The following SLCO2A1 variants were observed in gnomAD, a reference collection of about 807,000 sequenced individuals.
The protein encoded by SLCO2A1 is matrin F/G 1.
In SLCO2A1, 60 loss-of-function variants were observed where a neutral mutation model predicts 71.7. The ratio of observed to expected loss-of-function variants is 0.84; its 90% CI spans 0.68 to 1.04. The LOEUF is 1.04. Among genes scored for constraint, SLCO2A1 ranks in the 50% least tolerant of loss-of-function variants. The probability of loss-of-function intolerance (pLI) is 0.00; values close to 1 mark genes in which losing one functional copy is unlikely to be tolerated. For missense variants in SLCO2A1, 745 were observed against 813.4 expected (o/e 0.92, Z 1.02); for synonymous variants, 308 against 326.7 (o/e 0.94, Z 0.62).
intron 1 of SLCO2A1, among the ~76,000 whole-genome samples, chr3:133,983,556 T>C (rs534325254): frequency 6.6e-5 from 10 of 152,228 alleles, no homozygotes; most frequent in African/African-American, 2.4e-4. Context: ...TTCAAACACA[T>C]CAAGGTCACA....
intron 1 of SLCO2A1, among the ~76,000 whole-genome samples, chr3:134,024,507 G>T (rs144503756): frequency 2.4e-4 from 37 of 152,292 alleles, no homozygotes; most frequent in African/African-American, 7.5e-4. Flanking sequence ...ACATGACCTG[G>T]CAAAACTCTT....
chr3:133,999,486 G>A (rs1935055283), intron 1 of SLCO2A1, among the ~76,000 whole-genome samples: 1 of 152,172 alleles, frequency 6.6e-6, no homozygotes, highest in Non-Finnish European at 1.5e-5. Context: ...GGCCGAGCAG[G>A]GCTGCCTCCC....
intron 1 of SLCO2A1, among the ~76,000 whole-genome samples, chr3:133,999,329 G>C (rs890073907): frequency 3.9e-5 from 6 of 152,240 alleles, no homozygotes; most frequent in Non-Finnish European, 5.9e-5. Context: ...TGGCCTGCCA[G>C]CTTGGAGAGA....
rs761942122 is a variant in SLCO2A1, at chr3:133,955,069, C to A, written c.522G>T (p.Val174=). The change falls in exon 4 of 14, where the codon GTG becomes GTT. Residue 174 remains valine (V), a synonymous_variant. Transcript: ENST00000310926. The stretch of plus-strand genomic sequence containing the variant: ...CGATGCCAGCCAGCAGCTGGGCAAC[C>A]ACCATCAGGCCCCACATGCTGCTGG... ...KETSSMWGLM[V]VAQLLAGIGT... The A allele has an allele frequency of 3.7e-6, 6 of 1,614,060 alleles. No individual in the cohort carries two copies. In the South Asian group the frequency reaches 4.4e-5, roughly 12 times the overall value.
chr3:133,986,614 G>A (rs891314623), intron 1 of SLCO2A1, among the ~76,000 whole-genome samples: 4 of 152,178 alleles, frequency 2.6e-5, no homozygotes, highest in African/African-American at 9.7e-5. Context: ...GAAGGAAGCG[G>A]GGAAACTGGA....
chr3:133,941,130 A>G (rs1043347196), intron 11 of SLCO2A1, among the ~76,000 whole-genome samples: 7 of 152,120 alleles, frequency 4.6e-5, no homozygotes, highest in Non-Finnish European at 8.8e-5. Context: ...TAGTAGTTTG[A>G]TTTGATAGCT....
At chr3:133,973,476 T>C (rs749533087) in intron 3 of SLCO2A1, among the ~76,000 whole-genome samples, 187 bp downstream of exon 3, 2 of 152,222 alleles carry the variant, frequency 1.3e-5, no homozygotes, top group Non-Finnish European at 2.9e-5. Flanking sequence ...AGGTGAGCCA[T>C]GCACTGCACA....
intron 10 of SLCO2A1, among the ~76,000 whole-genome samples, chr3:133,943,668 G>T (rs1435665735): frequency 6.6e-6 from 1 of 151,976 alleles, no homozygotes; most frequent in Admixed American, 6.6e-5. Context: ...TGCTGTTACG[G>T]GAAACTTGCC....
chr3:133,949,190 C>G (rs899511103), intron 6 of SLCO2A1: 2 of 579,756 alleles, frequency 3.4e-6, no homozygotes, highest in African/African-American at 3.7e-5. Context: ...CAGAACACAT[C>G]TATGCCAATG....
rs1239558309 is a variant in SLCO2A1 at position 133,951,302 on chromosome 3, G to A, written c.767C>T (p.Ala256Val). 1.9e-6 allele frequency: 3 copies of A among 1,614,040 alleles called. No individual in the cohort carries two copies. The highest frequency in any genetic ancestry group is 3.3e-5 in the Admixed American group (2 of 60,008). ...AGAAATGAGCAGGCCTAGCCACCAG[G>A]CTCCAATCCATCGGGGGTCACCCGG... ...LVPGDPRWIG[A>V]WWLGLLISSA... The change falls in exon 6 of 14, where the codon GCC becomes GTC. Residue 256 changes from alanine to valine, a missense_variant. Transcript: ENST00000310926.
At chr3:134,010,186 T>A (rs538886572) in intron 1 of SLCO2A1, among the ~76,000 whole-genome samples, 1 of 152,268 alleles carries the variant, frequency 6.6e-6, no homozygotes, top group South Asian at 2.1e-4. Flanking sequence ...CTCAGAAAAT[T>A]ATAATTGCTG....
At chr3:133,995,508 G>A (rs573475738) in intron 1 of SLCO2A1, among the ~76,000 whole-genome samples, 161 of 152,316 alleles carry the variant, frequency 1.1e-3, no homozygotes, top group Non-Finnish European at 1.9e-3. Context: ...TTTGTGGGTG[G>A]GGGCCATCCC....
intron 1 of SLCO2A1, among the ~76,000 whole-genome samples, chr3:134,006,858 C>T (rs1935227767): frequency 6.6e-6 from 1 of 152,184 alleles, no homozygotes; most frequent in African/African-American, 2.4e-5. Flanking sequence ...ACTGCTAGAT[C>T]ATATTATGAC....
chr3:133,967,204 G>T (rs1934201425), intron 3 of SLCO2A1, among the ~76,000 whole-genome samples: 1 of 152,226 alleles, frequency 6.6e-6, no homozygotes, highest in Admixed American at 6.5e-5. Flanking sequence ...GATCAGGCAT[G>T]CCTGAGGGTC....
chr3:133,949,227 A>C, intron 6 of SLCO2A1: 1 of 503,342 alleles, frequency 2.0e-6, no homozygotes, highest in Non-Finnish European at 3.6e-6. Context: ...TGGGCATATC[A>C]TTTCATATCT....
At chr3:133,935,285 G>T (rs1215893810) in intron 13 of SLCO2A1, among the ~76,000 whole-genome samples, 1 of 152,224 alleles carries the variant, frequency 6.6e-6, no homozygotes, top group Admixed American at 6.5e-5. Context: ...AACGGCAGCA[G>T]GTGAGGTGGC....
At chr3:133,967,137 C>T (rs1934200166) in intron 3 of SLCO2A1, among the ~76,000 whole-genome samples, 1 of 152,208 alleles carries the variant, frequency 6.6e-6, no homozygotes, top group Non-Finnish European at 1.5e-5. Context: ...AGCTTGCCTC[C>T]TGGACCCTCC....
chr3:134,020,142 C>T (rs1935540982), intron 1 of SLCO2A1, among the ~76,000 whole-genome samples: 2 of 152,124 alleles, frequency 1.3e-5, no homozygotes, highest in South Asian at 4.1e-4. Flanking sequence ...CACGCACCCC[C>T]TGCTTGCTCA....
intron 1 of SLCO2A1, among the ~76,000 whole-genome samples, chr3:133,986,607 G>A (rs1480771393): frequency 1.3e-5 from 2 of 152,224 alleles, no homozygotes; most frequent in Non-Finnish European, 2.9e-5. Flanking sequence ...TAAAGAGGAA[G>A]GAAGCGGGGA....
Sources: gnomAD v4.1 joint callset for allele counts (sites outside exome capture counted in the v4.1 genomes callset) on GRCh38, gnomAD v4.1.1 for gene constraint, MANE v1.5 for transcripts, NCBI Gene and HGNC (gene_info 2026-07-23, HGNC 2026-07-21) for gene names.